SEL1L3: variants seen among roughly 807,000 people sequenced by gnomAD.
SEL1L3 encodes SEL1L family member 3.
SEL1L3 carries 76 observed loss-of-function variants against 142.8 expected under a neutral mutation model. The observed-to-expected ratio is 0.53, with a 90% CI of 0.44 to 0.64. SEL1L3 has a LOEUF of 0.64. Ranked by LOEUF, SEL1L3 falls within the 30% of genes least tolerant of loss-of-function variation. The pLI is 0.00. For synonymous variants in SEL1L3, 504 were observed against 519.6 expected (o/e 0.97, Z 0.41); for missense variants, 1,262 against 1,381.7 (o/e 0.91, Z 1.37).
intron 6 of SEL1L3, among the ~76,000 whole-genome samples, chr4:25,825,698 CAG>C (rs1302645894): frequency 2.9e-5 from 3 of 102,528 alleles, no homozygotes; most frequent in African/African-American, 1.2e-4. Context: ...TTTTTGGAGA[CAG>C]AGTCTTGCTC....
chr4:25,745,268 G>A (rs906612742), downstream of SEL1L3, among the ~76,000 whole-genome samples: 2 of 152,166 alleles, frequency 1.3e-5, no homozygotes, highest in Non-Finnish European at 1.5e-5. Flanking sequence ...GGTGGCACAT[G>A]CCTGTAATCC....
At chr4:25,798,867 G>C (rs2109212606) in intron 11 of SEL1L3, among the ~76,000 whole-genome samples, 1 of 152,166 alleles carries the variant, frequency 6.6e-6, no homozygotes, top group Non-Finnish European at 1.5e-5. Context: ...CCGGGGAGGA[G>C]GGGGTCTCCA....
At chr4:25,739,509 A>G in the SEL1L3 span, among the ~76,000 whole-genome samples, 1 of 152,110 alleles carries the variant, frequency 6.6e-6, no homozygotes, top group African/African-American at 2.4e-5. Context: ...GATCGAGACC[A>G]TCCTGGCCAA....
chr4:25,858,012 C>T lies in SEL1L3; in HGVS notation c.162+4663G>A, dbSNP rs200789639. ...CCTGCCAAGGCAGAATCCCATCAGC[C>T]ATTCCTCATGGGCCGAACACGCCTC... On this transcript the variant is annotated intron_variant, in intron 1 of 23. Transcript: ENST00000399878. Among the ~76,000 whole-genome samples the T allele has an allele frequency of 2.0e-4, 30 of 152,366 alleles. No individual in the cohort carries two copies. The East Asian group carries it at 5.2e-3, about 26-fold the overall frequency.
the SEL1L3 span, among the ~76,000 whole-genome samples, chr4:25,724,688 G>A: frequency 1.6e-5 from 2 of 122,624 alleles, no homozygotes; most frequent in African/African-American, 3.3e-5. Flanking sequence ...AGTGAGCCAA[G>A]ATGGCGCCAC....
Position 25,833,622 on chromosome 4 carries a change from G to A in SEL1L3, c.861-53C>T, listed in dbSNP as rs938563376. 1.2e-5 allele frequency: 18 copies of A among 1,485,426 alleles called. No individual in the cohort carries two copies. The East Asian group carries it at 4.1e-4, about 34-fold the overall frequency. 92.0% of individuals were successfully genotyped at this position (1,485,426 alleles called of 1,614,324 possible). ...TGCAGATTGATATCATCCAAGAACAGGTAATTATGGTTAACAATGACCAAG... is the reference window on the plus strand; with the variant it reads ...TGCAGATTGATATCATCCAAGAACAAGTAATTATGGTTAACAATGACCAAG... On this transcript the variant is annotated intron_variant, in intron 3 of 23. Coordinates refer to ENST00000399878, the MANE Select transcript of SEL1L3 (RefSeq NM_015187.5).
At position 25,833,054 on chromosome 4, in the gene SEL1L3, T is replaced by C. The variant is rs1289628948; in HGVS notation, c.1039A>G (p.Lys347Glu). The change falls in exon 5 of 24, where the codon AAA (lysine) becomes GAA (glutamate). Residue 347 changes from lysine to glutamate, a missense_variant. Lys to Glu is a moderately conservative substitution (Grantham distance 56). Around this residue, in one of 3 missense-constraint regions of SEL1L3, gnomAD observed 689 missense variants for 692.8 expected, o/e 0.99. Transcript: ENST00000399878. ...VKGEDLAVKT[K>E]FIIPLKEWFR... ...CACTCCTTCAAAGGTATGATGAATTTAGTTTTTACAGCAAGGTCTTCCCCT... is the reference window on the plus strand; with the variant it reads ...CACTCCTTCAAAGGTATGATGAATTCAGTTTTTACAGCAAGGTCTTCCCCT... The C allele has an allele frequency of 6.2e-7, 1 of 1,613,070 alleles. No individual in the cohort carries two copies. Among genetic ancestry groups the C allele is most frequent in the Non-Finnish European group, 8.5e-7 (1 of 1,179,234 alleles).
the SEL1L3 span, among the ~76,000 whole-genome samples, chr4:25,716,191 A>G: frequency 8.5e-5 from 13 of 152,296 alleles, no homozygotes; most frequent in East Asian, 2.5e-3. Flanking sequence ...AAAATCCAAT[A>G]TGAAAATGAA....
At chr4:25,785,426 C>T (rs546907502) in intron 13 of SEL1L3, among the ~76,000 whole-genome samples, 6 of 152,278 alleles carry the variant, frequency 3.9e-5, no homozygotes, top group East Asian at 3.9e-4. Context: ...TTGTAACCAC[C>T]GCTCTCTATT....
Position 25,748,590 on chromosome 4 carries a change from G to A in SEL1L3, c.3260-26C>T, listed in dbSNP as rs535167323. 3.3e-4 allele frequency: 521 copies of A among 1,598,318 alleles called. 11 individuals carry two copies. In the South Asian group the frequency reaches 5.6e-3, roughly 17 times the overall value. On this transcript the variant is annotated intron_variant, in intron 23 of 23. Transcript: ENST00000399878. ...CTGCAGAGACACATGCACAACAGGT[G>A]CTGAATACTCAAAACAGTGCATTCA... is the stretch of plus-strand genomic sequence containing the variant.
intron 2 of SEL1L3, among the ~76,000 whole-genome samples, chr4:25,842,124 A>G (rs1716204170): frequency 1.3e-5 from 2 of 152,054 alleles, no homozygotes; most frequent in Non-Finnish European, 2.9e-5. Flanking sequence ...AAATTGATAC[A>G]TAGTAGGTGC....
intron 2 of SEL1L3, among the ~76,000 whole-genome samples, chr4:25,841,680 C>T (rs530601261): frequency 1.8e-4 from 27 of 152,284 alleles, no homozygotes; most frequent in Admixed American, 7.8e-4. Context: ...GCGGGCCAGG[C>T]GCTGTAGTTC....
intron 23 of SEL1L3, among the ~76,000 whole-genome samples, chr4:25,748,882 C>T (rs377601114): frequency 3.6e-4 from 55 of 152,276 alleles, no homozygotes; most frequent in Admixed American, 2.2e-3. Flanking sequence ...GGGAATTCTT[C>T]GGGCCCCTTC....
At chr4:25,823,545 A>G (rs961541625) in intron 6 of SEL1L3, among the ~76,000 whole-genome samples, 1 of 152,162 alleles carries the variant, frequency 6.6e-6, no homozygotes, top group Non-Finnish European at 1.5e-5. Flanking sequence ...AAATAAATAA[A>G]ATAAAAATAA....
intron 23 of SEL1L3, among the ~76,000 whole-genome samples, chr4:25,753,486 C>A (rs1717737904): frequency 6.6e-6 from 1 of 152,218 alleles, no homozygotes; most frequent in South Asian, 2.1e-4. Flanking sequence ...CTGCTACATG[C>A]ACCCATCCCT....
chr4:25,839,407 G>A (rs536707251), intron 2 of SEL1L3, among the ~76,000 whole-genome samples: 1 of 152,324 alleles, frequency 6.6e-6, no homozygotes, highest in South Asian at 2.1e-4. Context: ...GATGTTCAGT[G>A]AAGCCTTGTG....
intron 23 of SEL1L3, among the ~76,000 whole-genome samples, chr4:25,752,273 T>C (rs867239891): frequency 4.7e-5 from 7 of 150,178 alleles, no homozygotes; most frequent in South Asian, 4.2e-4. Flanking sequence ...AAAAATTAGC[T>C]TGGTGTGGTG....
rs183647079 is a variant in SEL1L3, at chr4:25,751,825, A to C, written c.3260-3261T>G. 4.3e-3 allele frequency among the ~76,000 whole-genome samples: 654 copies of C among 151,960 alleles called. 4 individuals are homozygous for C. The highest frequency in any genetic ancestry group is 7.3e-3 in the Admixed American group (111 of 15,254). On this transcript the variant is annotated intron_variant, in intron 23 of 23. Transcript: ENST00000399878. ...GTTGAAATGCTTTAAAAAATAGTTG[A>C]ATGGGCTGGGCACGGTGGCTCACGC... is the stretch of plus-strand genomic sequence containing the variant.
At chr4:25,725,075 C>T in the SEL1L3 span, among the ~76,000 whole-genome samples, 16 of 152,030 alleles carry the variant, frequency 1.1e-4, no homozygotes, top group Non-Finnish European at 1.5e-4. Flanking sequence ...GAGTATTCTC[C>T]GACTATTTCC....
Sources: allele counts gnomAD v4.1 joint callset (sites outside exome capture counted in the v4.1 genomes callset), GRCh38; gene constraint gnomAD v4.1.1; regional missense constraint gnomAD v4.1.1; transcripts MANE v1.5; gene names NCBI Gene and HGNC (gene_info 2026-07-23, HGNC 2026-07-21).